Variants in CECR2 observed in about 807,000 individuals in gnomAD.
CECR2 encodes CECR2 histone acetyl-lysine reader.
Under a neutral mutation model 154.5 loss-of-function variants are expected in CECR2, and 30 were observed. The observed-to-expected ratio is 0.19, with a 90% CI of 0.15 to 0.26. The LOEUF is 0.26. CECR2 is among the 10% of genes least tolerant of loss of function. The probability of loss-of-function intolerance (pLI) is 1.00; values close to 1 mark genes in which losing one functional copy is unlikely to be tolerated. For missense variants in CECR2, 1,743 were observed against 1,829.3 expected (o/e 0.95, Z 0.86); for synonymous variants, 725 against 683.7 (o/e 1.06, Z -0.94).
intron 1 of CECR2, among the ~76,000 whole-genome samples, chr22:17,418,515 C>A (rs1417655705): frequency 2.0e-5 from 3 of 152,152 alleles, no homozygotes; most frequent in Non-Finnish European, 2.9e-5. Flanking sequence ...CACATACTTT[C>A]CTAATAGTTT....
At chr22:17,525,308 A>AAAAG (rs2056242783) in intron 9 of CECR2, among the ~76,000 whole-genome samples, 1 of 144,228 alleles carries the variant, frequency 6.9e-6, no homozygotes, top group African/African-American at 2.5e-5. Context: ...AAAAAAAAAA[A>AAAAG]AAAAAAAGAA....
chr22:17,454,809 G>C (rs552656212), intron 1 of CECR2, among the ~76,000 whole-genome samples: 1 of 152,174 alleles, frequency 6.6e-6, no homozygotes, highest in East Asian at 1.9e-4. Context: ...ATTTCCAGCT[G>C]TTTGAAATGC....
At chr22:17,493,854 G>T (rs1454413018) in intron 2 of CECR2, among the ~76,000 whole-genome samples, 1 of 152,198 alleles carries the variant, frequency 6.6e-6, no homozygotes, top group African/African-American at 2.4e-5. Flanking sequence ...CCCTGGCCCA[G>T]CATCTTCTGC....
chr22:17,477,412 G>T (rs144042971), intron 1 of CECR2, among the ~76,000 whole-genome samples, 176 bp from the exon 2 acceptor site: 3 of 152,162 alleles, frequency 2.0e-5, no homozygotes, highest in Non-Finnish European at 4.4e-5. Context: ...AAAAGAAAAC[G>T]CGGAATCCGG....
chr22:17,549,485 T>A lies in CECR2; in HGVS notation c.4198T>A (p.Phe1400Ile). ...CTGCCAGGAAGAAGGCCTGGGTCAC[T>A]TTCAAGCTGTGATGATGGAACAAAT... ...YRCQEEGLGH[F>I]QAVMMEQIGT... is the part of the protein sequence containing the mutation. Residue 1400 changes from phenylalanine (F) to isoleucine (I), a missense_variant, in exon 17 of 19, where the codon TTT becomes ATT. Physicochemically the swap from Phe to Ile is conservative, Grantham distance 21 (BLOSUM62 0). Around this residue, in one of 4 missense-constraint regions of CECR2, gnomAD observed 1,250 missense variants for 1,192.1 expected, o/e 1.05. Coordinates refer to ENST00000262608, the MANE Select transcript of CECR2 (RefSeq NM_001290047.2). 1 of 1,609,868 alleles carries A rather than the reference T, an allele frequency of 6.2e-7. No homozygotes were observed. Among genetic ancestry groups the A allele is most frequent in the South Asian group, 1.1e-5 (1 of 90,312 alleles).
intron 1 of CECR2, among the ~76,000 whole-genome samples, chr22:17,469,593 G>GTTTTT (rs1156329348): frequency 4.8e-5 from 6 of 125,396 alleles, no homozygotes; most frequent in South Asian, 2.6e-4. Flanking sequence ...TGATAACATT[G>GTTTTT]TTTTTTTTTT....
At position 17,548,486 on chromosome 22, in the gene CECR2, GAGGGGA is replaced by G. The variant is rs1446052656; in HGVS notation, c.3204_3209del (p.Lys1069_Gly1070del). 1 of 1,613,976 alleles carries G rather than the reference GAGGGGA, an allele frequency of 6.2e-7. No individual in the cohort carries two copies. Among genetic ancestry groups the G allele is most frequent in the East Asian group, 2.2e-5 (1 of 44,880 alleles). On this transcript the variant is annotated inframe_deletion, in exon 17 of 19. Transcript: ENST00000262608. ...TGGGGAAGCATCTCCTTGTGGATCG[GAGGGGA>G]AGGGCCTTGGTAGCAGTGGTTCCGA... is the stretch of plus-strand genomic sequence containing the variant.
intron 1 of CECR2, among the ~76,000 whole-genome samples, chr22:17,387,279 T>A (rs1375513899): frequency 7.2e-5 from 11 of 152,206 alleles, no homozygotes; most frequent in Admixed American, 7.2e-4. Flanking sequence ...TCCTTGCCCT[T>A]GTCAAGCAAA....
intron 1 of CECR2, among the ~76,000 whole-genome samples, chr22:17,465,597 G>A (rs1048125767): frequency 4.9e-4 from 75 of 152,032 alleles, no homozygotes; most frequent in Non-Finnish European, 8.1e-4. Context: ...CGATTCTCCT[G>A]GCTCAACCTC....
intron 1 of CECR2, among the ~76,000 whole-genome samples, chr22:17,410,173 G>C (rs1021341259): frequency 5.9e-5 from 9 of 151,764 alleles, no homozygotes; most frequent in Admixed American, 6.6e-5. Context: ...GTAAAGATGG[G>C]TTTTCACCAT....
intron 6 of CECR2, among the ~76,000 whole-genome samples, chr22:17,503,612 AT>A (rs2055779548): frequency 6.6e-6 from 1 of 152,198 alleles, no homozygotes; most frequent in South Asian, 2.1e-4. Context: ...CTGTCAATAT[AT>A]TTAATCATTT....
At chr22:17,402,394 A>G (rs938511085) in intron 1 of CECR2, among the ~76,000 whole-genome samples, 1 of 152,232 alleles carries the variant, frequency 6.6e-6, no homozygotes, top group Non-Finnish European at 1.5e-5. Flanking sequence ...GGGCTCAGCA[A>G]ACTTTTCCTG....
At chr22:17,470,724 T>C (rs2055112977) in intron 1 of CECR2, among the ~76,000 whole-genome samples, 1 of 152,210 alleles carries the variant, frequency 6.6e-6, no homozygotes, top group South Asian at 2.1e-4. Flanking sequence ...TGTTCTTTCA[T>C]AATTTCTTTC....
At chr22:17,535,934 G>T (rs2056430971) in intron 9 of CECR2, among the ~76,000 whole-genome samples, 1 of 152,112 alleles carries the variant, frequency 6.6e-6, no homozygotes, top group Non-Finnish European at 1.5e-5. Flanking sequence ...TTGTGGAACA[G>T]AAGCTAGAAT....
At chr22:17,369,168 G>A (rs1351761026), upstream of CECR2, among the ~76,000 whole-genome samples, 3 of 151,898 alleles carry the variant, frequency 2.0e-5, no homozygotes, top group Non-Finnish European at 4.4e-5. Context: ...GGGGGTGGGA[G>A]AGCTCCTGGC....
At chr22:17,428,598 T>A (rs1330293789) in intron 1 of CECR2, 1 of 152,170 alleles carries the variant, frequency 6.6e-6, no homozygotes. Context: ...TTTCAAAATA[T>A]TGAGTTTATT....
chr22:17,525,102 G>A (rs1225479189), intron 9 of CECR2, among the ~76,000 whole-genome samples: 1 of 149,366 alleles, frequency 6.7e-6, no homozygotes, highest in Non-Finnish European at 1.5e-5. Context: ...TGACCAACAT[G>A]GAGAAACCCC....
chr22:17,469,128 G>T (rs778220049), intron 1 of CECR2, among the ~76,000 whole-genome samples: 24 of 151,966 alleles, frequency 1.6e-4, no homozygotes, highest in East Asian at 5.8e-4. Context: ...AGTGTGGTAG[G>T]TTCCTGTGAT....
intron 2 of CECR2, among the ~76,000 whole-genome samples, chr22:17,480,885 C>T (rs984717385): frequency 1.3e-5 from 2 of 151,292 alleles, no homozygotes; most frequent in African/African-American, 4.9e-5. Flanking sequence ...ACTAAAAATA[C>T]AAAAATTAGC....
Sources: allele counts gnomAD v4.1 joint callset (sites outside exome capture counted in the v4.1 genomes callset), GRCh38; gene constraint gnomAD v4.1.1; regional missense constraint gnomAD v4.1.1; transcripts MANE v1.5; gene names NCBI Gene and HGNC (gene_info 2026-07-23, HGNC 2026-07-21).